NLGN1: variants seen among roughly 807,000 people sequenced by gnomAD.
The protein encoded by NLGN1 is neuroligin-1.
Under a neutral mutation model 65.5 loss-of-function variants are expected in NLGN1, and 12 were observed. That is an observed-to-expected ratio of 0.18 (90% confidence interval 0.12 to 0.30). The LOEUF is 0.30. Among genes scored for constraint, NLGN1 ranks in the 10% least tolerant of loss-of-function variants. The pLI is 1.00. For synonymous variants in NLGN1, 350 were observed against 359.5 expected (o/e 0.97, Z 0.30); for missense variants, 750 against 1,007.1 (o/e 0.74, Z 3.46).
chr3:174,257,739 T>TA (rs1358144371), intron 4 of NLGN1, among the ~76,000 whole-genome samples: 6 of 150,778 alleles, frequency 4.0e-5, no homozygotes, highest in African/African-American at 1.5e-4. Flanking sequence ...ATATATATAT[T>TA]TATTCAGCTT....
rs186129916 is a variant in NLGN1, at chr3:174,000,915, G to A, written c.646+193083G>A. 1.7e-3 allele frequency among the ~76,000 whole-genome samples: 260 copies of A among 152,228 alleles called. 2 individuals are homozygous for A. The highest frequency in any genetic ancestry group is 6.0e-3 in the African/African-American group (250 of 41,540). On this transcript the variant is annotated intron_variant, in intron 4 of 6. Transcript: ENST00000457714. Reference sequence around the variant, plus strand: ...GATGGGTGGACACTGGTCTTCTCCTGACTTTCTCTGAATCCCAGGTTATCC... The same window carrying A: ...GATGGGTGGACACTGGTCTTCTCCTAACTTTCTCTGAATCCCAGGTTATCC...
In NLGN1 at chr3:173,471,429, C is replaced by G. The variant is rs1392130739; in HGVS notation, c.-321+36351C>G. Among the ~76,000 whole-genome samples, 4 of 152,014 alleles carry G rather than the reference C, an allele frequency of 2.6e-5. No individual in the cohort carries two copies. The East Asian group carries it at 7.7e-4, about 29-fold the overall frequency. On this transcript the variant is annotated intron_variant, in intron 2 of 6. Coordinates refer to ENST00000457714, the Ensembl canonical transcript of NLGN1. Reference sequence around the variant, plus strand: ...GGCATTCCTTGGCTTGTAGATAAACCAACCCATTCTCTGCCTTCGTGTTCA... The same window carrying G: ...GGCATTCCTTGGCTTGTAGATAAACGAACCCATTCTCTGCCTTCGTGTTCA...
At chr3:174,138,601 A>AT (rs1224015012) in intron 4 of NLGN1, among the ~76,000 whole-genome samples, 13 of 151,762 alleles carry the variant, frequency 8.6e-5, no homozygotes, top group South Asian at 2.1e-4. Flanking sequence ...CGCCCGGCTA[A>AT]TTTTTTGTAT....
At chr3:174,277,147 T>G (rs1750734216) in intron 5 of NLGN1, among the ~76,000 whole-genome samples, 1 of 151,904 alleles carries the variant, frequency 6.6e-6, no homozygotes, top group South Asian at 2.1e-4. Flanking sequence ...GACATCAACT[T>G]AGGTTTGGCC....
At chr3:173,902,897 G>A (rs946489536) in intron 4 of NLGN1, among the ~76,000 whole-genome samples, 10 of 152,046 alleles carry the variant, frequency 6.6e-5, no homozygotes, top group African/African-American at 2.2e-4. Context: ...TCAAAGCGAG[G>A]CTTAGTACTT....
chr3:174,173,057 A>AT (rs57165363), intron 4 of NLGN1, among the ~76,000 whole-genome samples: 23,598 of 151,824 alleles, frequency 0.16, 3,565 homozygotes, highest in African/African-American at 0.4. Flanking sequence ...ATTCCTGTGT[A>AT]TTTAATTTTA....
At position 173,604,589 on chromosome 3, in the gene NLGN1, A is replaced by T. The variant is rs1399081481; in HGVS notation, c.-10A>T. ...CTGTAACCAGACAACTAGACAACTA[A>T]TGTGGGACCATGGCACTGCCCAGAT... On this transcript the variant is annotated 5_prime_UTR_variant, in exon 3 of 7. An upstream start codon of the reference 5' UTR is lost. Coordinates refer to ENST00000457714, the Ensembl canonical transcript of NLGN1. The T allele has an allele frequency of 6.2e-7, 1 of 1,612,398 alleles. No individual in the cohort carries two copies. The highest frequency in any genetic ancestry group is 2.2e-5 in the East Asian group (1 of 44,830).
intron 3 of NLGN1, among the ~76,000 whole-genome samples, chr3:173,799,812 A>G (rs573532394): frequency 6.6e-6 from 1 of 152,040 alleles, no homozygotes; most frequent in South Asian, 2.1e-4. Flanking sequence ...TAAAAAAAAG[A>G]AGAAAATAGA....
chr3:173,637,977 A>G (rs931973169), intron 3 of NLGN1, among the ~76,000 whole-genome samples: 2 of 152,166 alleles, frequency 1.3e-5, no homozygotes, highest in African/African-American at 4.8e-5. Context: ...ATGATAAACC[A>G]TTCACTGCAA....
intron 4 of NLGN1, among the ~76,000 whole-genome samples, chr3:173,978,810 A>G (rs1308603868): frequency 3.3e-5 from 5 of 149,292 alleles, no homozygotes; most frequent in Non-Finnish European, 7.4e-5. Flanking sequence ...AGCCTGGCTA[A>G]CATGGTGAAA....
rs114412999 is a variant in NLGN1, at chr3:174,170,364, G to A, written c.647-104951G>A. On this transcript the variant is annotated intron_variant, in intron 4 of 6. Coordinates refer to ENST00000457714, the Ensembl canonical transcript of NLGN1. ...TTTTTCAAAGCTGCTTTGCTTTTGT[G>A]TCTCAGTAATGGTGTATTACAGGGC... Among the ~76,000 whole-genome samples, 519 of 152,088 alleles carry A rather than the reference G, an allele frequency of 3.4e-3. 3 individuals are homozygous for A. The highest frequency in any genetic ancestry group is 6.8e-3 in the Middle Eastern group (2 of 294).
At chr3:174,078,433 C>T (rs1741462310) in intron 4 of NLGN1, among the ~76,000 whole-genome samples, 1 of 152,110 alleles carries the variant, frequency 6.6e-6, no homozygotes, top group African/African-American at 2.4e-5. Flanking sequence ...TAGATTGTTT[C>T]TGAAGTGTCT....
At chr3:173,415,908 G>C (rs199744987) in intron 1 of NLGN1, among the ~76,000 whole-genome samples, 1 of 124,714 alleles carries the variant, frequency 8.0e-6, no homozygotes, top group Non-Finnish European at 1.6e-5. Context: ...TATATATAGA[G>C]AGAGAGAGAG....
At chr3:174,124,502 T>C (rs1718436069) in intron 4 of NLGN1, among the ~76,000 whole-genome samples, 1 of 148,560 alleles carries the variant, frequency 6.7e-6, no homozygotes, top group Non-Finnish European at 1.5e-5. Flanking sequence ...TATATGTGTA[T>C]ATATATAAGT....
chr3:173,409,115 T>C lies in NLGN1; in HGVS notation c.-390+10628T>C, dbSNP rs1037551318. On this transcript the variant is annotated intron_variant, in intron 1 of 6. Transcript: ENST00000457714. ...CTGAGAAAAACAAGAGTATGGGTGG[T>C]GCTGCTATAGGGGAGAACGAAGGTA... Among the ~76,000 whole-genome samples the C allele has an allele frequency of 6.6e-5, 10 of 152,090 alleles. No individual in the cohort carries two copies. In the East Asian group the frequency reaches 1.9e-3, roughly 29 times the overall value.
chr3:173,675,887 T>TCTCTCTCTCTCACA (rs756157881), intron 3 of NLGN1, among the ~76,000 whole-genome samples: 230 of 138,626 alleles, frequency 1.7e-3, no homozygotes, highest in African/African-American at 5.2e-3. Flanking sequence ...TCTCTCTCTC[T>TCTCTCTCTCTCACA]CACACACACA....
Position 173,499,894 on chromosome 3 carries a change from G to C in NLGN1, c.-321+64816G>C, listed in dbSNP as rs527643418. 7.4e-4 allele frequency among the ~76,000 whole-genome samples: 112 copies of C among 151,516 alleles called. 5 individuals are homozygous for C. The highest frequency in any genetic ancestry group is 2.5e-3 in the African/African-American group (102 of 40,930). On this transcript the variant is annotated intron_variant, in intron 2 of 6. Transcript: ENST00000457714. ...TGTATAAGAATACTTGTGATTTTTG[G>C]GCATTGATTTTGTATCCTGAGACTT...
intron 3 of NLGN1, among the ~76,000 whole-genome samples, chr3:173,755,204 T>G (rs2150177615): frequency 6.6e-6 from 1 of 152,230 alleles, no homozygotes; most frequent in East Asian, 1.9e-4. Context: ...AGAGCAAAAC[T>G]GTACTATGTG....
At chr3:173,606,343 A>C (rs969274072) in intron 3 of NLGN1, among the ~76,000 whole-genome samples, 1 of 152,122 alleles carries the variant, frequency 6.6e-6, no homozygotes, top group Non-Finnish European at 1.5e-5. Context: ...GCAAGCTTGC[A>C]TCTGAATGTA....
Sources: allele counts gnomAD v4.1 joint callset (sites outside exome capture counted in the v4.1 genomes callset), GRCh38; gene constraint gnomAD v4.1.1; transcripts MANE v1.5; gene names NCBI Gene and HGNC (gene_info 2026-07-23, HGNC 2026-07-21).